Variants in TMPRSS15 observed in about 807,000 individuals in gnomAD.
TMPRSS15 encodes transmembrane serine protease 15.
A neutral mutation model predicts 125.3 loss-of-function variants in TMPRSS15; 128 were observed. That is an observed-to-expected ratio of 1.02 (90% confidence interval 0.89 to 1.18). TMPRSS15 has a LOEUF of 1.18. Among genes scored for constraint, TMPRSS15 ranks in the 50% most tolerant of loss-of-function variants. The pLI, the probability that TMPRSS15 is intolerant of heterozygous loss-of-function variation, is 0.00. For synonymous variants in TMPRSS15, 446 were observed against 423.2 expected (o/e 1.05, Z -0.66); for missense variants, 1,283 against 1,212.7 (o/e 1.06, Z -0.86).
At chr21:18,467,413 A>ATAATAATAATAC (rs1272351745) in intron 1 of TMPRSS15, among the ~76,000 whole-genome samples, 94 of 151,848 alleles carry the variant, frequency 6.2e-4, no homozygotes, top group African/African-American at 2.2e-3. Context: ...AATAATAATA[A>ATAATAATAATAC]TAATAATAAT....
chr21:18,396,812 A>G (rs12483433), intron 3 of TMPRSS15, among the ~76,000 whole-genome samples: 5,600 of 87,320 alleles, frequency 0.064, 223 homozygotes, highest in South Asian at 0.16. Context: ...CTGTCTGTCT[A>G]TCTATCTATC....
At chr21:18,437,968 A>G (rs1008254811) in intron 1 of TMPRSS15, among the ~76,000 whole-genome samples, 46 of 151,620 alleles carry the variant, frequency 3.0e-4, no homozygotes, top group African/African-American at 1.1e-3. Flanking sequence ...CAGCCATCCC[A>G]TTACTGTGTA....
At chr21:18,305,290 G>A (rs1296329220) in intron 18 of TMPRSS15, among the ~76,000 whole-genome samples, 4 of 143,390 alleles carry the variant, frequency 2.8e-5, no homozygotes, top group African/African-American at 7.7e-5. Flanking sequence ...CCGGGTTCAC[G>A]CCATTCTCCT....
intron 16 of TMPRSS15, among the ~76,000 whole-genome samples, chr21:18,316,104 A>C (rs969026591): frequency 2.6e-5 from 4 of 152,146 alleles, no homozygotes; most frequent in Non-Finnish European, 4.4e-5. Flanking sequence ...ACTGAGCAAC[A>C]CCATCTACTT....
intron 18 of TMPRSS15, among the ~76,000 whole-genome samples, chr21:18,301,436 T>A (rs1298145016): frequency 6.6e-6 from 1 of 152,190 alleles, no homozygotes. Context: ...TTACCCTATG[T>A]GAAGTCACCA....
intron 3 of TMPRSS15, among the ~76,000 whole-genome samples, chr21:18,395,639 A>C (rs1200809807): frequency 1.3e-5 from 2 of 152,196 alleles, no homozygotes; most frequent in Non-Finnish European, 2.9e-5. Context: ...CTTTTCAAAA[A>C]TAATGTAATT....
chr21:18,485,625 CAT>C (rs1267960858), intron 1 of TMPRSS15, among the ~76,000 whole-genome samples: 1 of 151,908 alleles, frequency 6.6e-6, no homozygotes, highest in African/African-American at 2.4e-5. Flanking sequence ...ATTCTTTTGA[CAT>C]GGTGAATAAT....
At chr21:18,300,220 C>T (rs59117886) in intron 18 of TMPRSS15, among the ~76,000 whole-genome samples, 3 of 102,716 alleles carry the variant, frequency 2.9e-5, no homozygotes, top group Middle Eastern at 5.0e-3. Flanking sequence ...TTTTCTTTCT[C>T]TCTTTTTCTT....
At chr21:18,318,834 A>G (rs1304954492) in intron 16 of TMPRSS15, among the ~76,000 whole-genome samples, 1 of 152,166 alleles carries the variant, frequency 6.6e-6, no homozygotes, top group Non-Finnish European at 1.5e-5. Flanking sequence ...CAGCTGTAAT[A>G]CCCATAAAGC....
chr21:18,416,898 CAAGTA>C (rs1311489497), intron 1 of TMPRSS15, among the ~76,000 whole-genome samples: 1 of 151,980 alleles, frequency 6.6e-6, no homozygotes, highest in Non-Finnish European at 1.5e-5. Flanking sequence ...CATTGATTCT[CAAGTA>C]AAGCTGATAC....
intron 1 of TMPRSS15, among the ~76,000 whole-genome samples, chr21:18,473,066 T>A (rs1978811501): frequency 1.3e-5 from 2 of 152,018 alleles, no homozygotes; most frequent in Non-Finnish European, 2.9e-5. Flanking sequence ...ATGTTTGAAA[T>A]CCCAAGGGAG....
intron 1 of TMPRSS15, among the ~76,000 whole-genome samples, chr21:18,399,294 A>G (rs2076072545): frequency 6.6e-6 from 1 of 152,096 alleles, no homozygotes; most frequent in East Asian, 1.9e-4. Context: ...GACTGACTCT[A>G]CAACCCAGGA....
At chr21:18,324,716 T>G (rs562544307) in intron 16 of TMPRSS15, among the ~76,000 whole-genome samples, 117 of 152,282 alleles carry the variant, frequency 7.7e-4, no homozygotes, top group African/African-American at 2.7e-3. Context: ...ACTTTCTATA[T>G]AACAGTAAGA....
intron 1 of TMPRSS15, among the ~76,000 whole-genome samples, chr21:18,473,664 T>C (rs1212155525): frequency 2.6e-5 from 4 of 152,152 alleles, no homozygotes; most frequent in Non-Finnish European, 5.9e-5. Flanking sequence ...GAATTGGACC[T>C]GAGAAGTATT....
intron 1 of TMPRSS15, among the ~76,000 whole-genome samples, chr21:18,430,382 A>T (rs1440673323): frequency 6.6e-6 from 1 of 152,160 alleles, no homozygotes; most frequent in East Asian, 1.9e-4. Context: ...ATGTTGCTTG[A>T]TCAAAGATCT....
At chr21:18,325,222 C>A (rs2075276845) in intron 16 of TMPRSS15, among the ~76,000 whole-genome samples, 1 of 151,076 alleles carries the variant, frequency 6.6e-6, no homozygotes, top group African/African-American at 2.4e-5. Flanking sequence ...TTGTGTAGAT[C>A]TCAAAGTATT....
At chr21:18,457,979 G>T (rs1978474763) in intron 1 of TMPRSS15, among the ~76,000 whole-genome samples, 1 of 152,108 alleles carries the variant, frequency 6.6e-6, no homozygotes. Context: ...ATACCCTTTA[G>T]TAAGAAAGAT....
At chr21:18,380,409 T>C (rs1005712073) in intron 4 of TMPRSS15, 1 of 373,690 alleles carries the variant, frequency 2.7e-6, no homozygotes, top group Non-Finnish European at 5.6e-6. Context: ...CTAACCAATA[T>C]AAGCTTCTTA....
intron 18 of TMPRSS15, among the ~76,000 whole-genome samples, chr21:18,304,147 G>A (rs1334729601): frequency 1.3e-5 from 2 of 152,108 alleles, no homozygotes; most frequent in South Asian, 4.1e-4. Context: ...GGGGTCTGGG[G>A]TGGTTCTAAC....
Sources: allele counts gnomAD v4.1 joint callset (sites outside exome capture counted in the v4.1 genomes callset), GRCh38; gene constraint gnomAD v4.1.1; transcripts MANE v1.5; gene names NCBI Gene and HGNC (gene_info 2026-07-23, HGNC 2026-07-21).